The following TEAD1 variants were observed in gnomAD, a reference collection of about 807,000 sequenced individuals.
TEAD1 encodes the protein TEA domain transcription factor 1, also known as transcriptional enhancer factor TEF-1.
A neutral mutation model predicts 54.9 loss-of-function variants in TEAD1; 9 were observed. That is an observed-to-expected ratio of 0.16 (90% CI 0.10 to 0.29). The LOEUF (loss-of-function observed/expected upper bound fraction) is 0.29. Ranked by LOEUF, TEAD1 falls within the 10% of genes least tolerant of loss-of-function variation. The pLI, the probability that TEAD1 is intolerant of heterozygous loss-of-function variation, is 1.00. For synonymous variants in TEAD1, 200 were observed against 187.8 expected (o/e 1.07, Z -0.53); for missense variants, 387 against 535.9 (o/e 0.72, Z 2.74).
intron 3 of TEAD1, among the ~76,000 whole-genome samples, chr11:12,858,209 A>G (rs1417732096): frequency 6.6e-6 from 1 of 152,314 alleles, no homozygotes; most frequent in Admixed American, 6.5e-5. Context: ...TACAATCCCA[A>G]ACAGCCAAAA....
chr11:12,781,061 A>G (rs1300783228), intron 3 of TEAD1, among the ~76,000 whole-genome samples: 5 of 152,354 alleles, frequency 3.3e-5, no homozygotes, highest in South Asian at 2.1e-4. Flanking sequence ...TTTATTGTCA[A>G]TTGATTTTCA....
At chr11:12,741,130 A>T (rs1474630642) in intron 2 of TEAD1, among the ~76,000 whole-genome samples, 1 of 152,128 alleles carries the variant, frequency 6.6e-6, no homozygotes, top group Admixed American at 6.5e-5. Flanking sequence ...ATAATCATGT[A>T]ATTTTGCTTT....
At chr11:12,863,477 TAAGAA>T (rs768943437) in intron 4 of TEAD1, among the ~76,000 whole-genome samples, 1 of 151,876 alleles carries the variant, frequency 6.6e-6, no homozygotes, top group South Asian at 2.1e-4. Context: ...TCTCTGTACT[TAAGAA>T]AAGTACCAAA....
At chr11:12,777,738 A>C (rs1945460305) in intron 3 of TEAD1, among the ~76,000 whole-genome samples, 1 of 152,220 alleles carries the variant, frequency 6.6e-6, no homozygotes, top group Admixed American at 6.5e-5. Context: ...CACAAAATGC[A>C]ATGGTGATAT....
At chr11:12,917,612 C>T (rs1438346624) in intron 10 of TEAD1, among the ~76,000 whole-genome samples, 2 of 152,094 alleles carry the variant, frequency 1.3e-5, no homozygotes, top group Non-Finnish European at 2.9e-5. Flanking sequence ...CGTGCCTGGC[C>T]CAGCAGCATT....
chr11:12,827,714 C>G (rs537656291), intron 3 of TEAD1, among the ~76,000 whole-genome samples: 1 of 152,296 alleles, frequency 6.6e-6, no homozygotes, highest in African/African-American at 2.4e-5. Flanking sequence ...ACATCCTGCT[C>G]TCCTATTATC....
chr11:12,742,729 T>G (rs1472496371), intron 2 of TEAD1, among the ~76,000 whole-genome samples: 1 of 152,106 alleles, frequency 6.6e-6, no homozygotes. Flanking sequence ...AAAATAAAAC[T>G]TTAAAAAAGG....
intron 3 of TEAD1, among the ~76,000 whole-genome samples, chr11:12,783,094 GGGTT>G (rs1945593285): frequency 7.2e-6 from 1 of 138,134 alleles, no homozygotes; most frequent in African/African-American, 2.9e-5. Context: ...AACCAGGTAA[GGGTT>G]TGTGTGTGTG....
chr11:12,895,501 A>G (rs1342918384), intron 9 of TEAD1, among the ~76,000 whole-genome samples: 1 of 152,170 alleles, frequency 6.6e-6, no homozygotes, highest in Non-Finnish European at 1.5e-5. Flanking sequence ...GAGCTGTAGG[A>G]AAGCTTTGCA....
At position 12,816,611 on chromosome 11, in the gene TEAD1, T is replaced by C. The variant is rs542473415; in HGVS notation, c.203-45639T>C. On this transcript the variant is annotated intron_variant, in intron 3 of 12. Coordinates refer to ENST00000527636, the MANE Select transcript of TEAD1 (RefSeq NM_021961.6). ...TCTTTGGGTGACTTTTTTCTCCTGG[T>C]GATGCAGTGGGCCAGTGCAAGGAGG... Among the ~76,000 whole-genome samples, 299 of 152,280 alleles carry C rather than the reference T, an allele frequency of 2.0e-3. 10 individuals carry two copies. In the South Asian group the frequency reaches 0.059, roughly 30 times the overall value.
At chr11:12,929,497 T>C (rs1368905257) in intron 11 of TEAD1, among the ~76,000 whole-genome samples, 4 of 152,008 alleles carry the variant, frequency 2.6e-5, no homozygotes, top group East Asian at 1.9e-4. Context: ...TGAAGACATA[T>C]GAGGCTACTT....
At position 12,860,752 on chromosome 11, in the gene TEAD1, AAC is replaced by A. The variant is rs141740638; in HGVS notation, c.203-1494_203-1493del. Reference sequence around the variant, plus strand: ...ATATCTGGGAGGAAGTAAGACAACAAACACAAATTTTACAACTAACTATAAAG... The same window carrying A: ...ATATCTGGGAGGAAGTAAGACAACAAACAAATTTTACAACTAACTATAAAG... On this transcript the variant is annotated intron_variant, in intron 3 of 12. Coordinates refer to ENST00000527636, the MANE Select transcript of TEAD1 (RefSeq NM_021961.6). Among the ~76,000 whole-genome samples the A allele has an allele frequency of 9.7e-3, 1,478 of 152,334 alleles. 20 individuals are homozygous for A. Among genetic ancestry groups the A allele is most frequent in the African/African-American group, 0.034 (1,398 of 41,566 alleles).
chr11:12,801,440 A>G (rs775196344), intron 3 of TEAD1, among the ~76,000 whole-genome samples: 1 of 152,174 alleles, frequency 6.6e-6, no homozygotes, highest in Non-Finnish European at 1.5e-5. Context: ...AAATTAATGG[A>G]GGCTTTAATT....
intron 3 of TEAD1, among the ~76,000 whole-genome samples, chr11:12,772,624 T>A (rs1316213707): frequency 1.3e-5 from 2 of 152,170 alleles, no homozygotes; most frequent in Admixed American, 1.3e-4. Flanking sequence ...TTATTTGAAA[T>A]TTTTGTTGAG....
chr11:12,829,758 A>G (rs1336585225), intron 3 of TEAD1, among the ~76,000 whole-genome samples: 2 of 152,218 alleles, frequency 1.3e-5, no homozygotes, highest in East Asian at 1.9e-4. Context: ...AGATTGAGCA[A>G]TTGAGCAGTT....
At chr11:12,882,186 C>T (rs1413306638) in intron 8 of TEAD1, among the ~76,000 whole-genome samples, 1 of 152,172 alleles carries the variant, frequency 6.6e-6, no homozygotes, top group Non-Finnish European at 1.5e-5. Context: ...AAACAGGAAG[C>T]CTCCTCACTT....
intron 3 of TEAD1, among the ~76,000 whole-genome samples, chr11:12,861,528 A>C (rs1947503784): frequency 6.6e-6 from 1 of 152,204 alleles, no homozygotes; most frequent in Admixed American, 6.5e-5. Context: ...TATGAGTAGA[A>C]ACTTGAATAA....
intron 3 of TEAD1, among the ~76,000 whole-genome samples, chr11:12,806,637 GCATGACTAACTTC>G (rs1946178636): frequency 6.6e-6 from 1 of 152,210 alleles, no homozygotes; most frequent in Admixed American, 6.5e-5. Context: ...ATGGATAAAA[GCATGACTAACTTC>G]CAACTGCCTT....
At chr11:12,793,800 G>A (rs1171547425) in intron 3 of TEAD1, among the ~76,000 whole-genome samples, 1 of 152,202 alleles carries the variant, frequency 6.6e-6, no homozygotes, top group Non-Finnish European at 1.5e-5. Context: ...GAGTGGGATT[G>A]GTGGGGATCT....
Sources: gnomAD v4.1 joint callset for allele counts (sites outside exome capture counted in the v4.1 genomes callset) on GRCh38, gnomAD v4.1.1 for gene constraint, MANE v1.5 for transcripts, NCBI Gene and HGNC (gene_info 2026-07-23, HGNC 2026-07-21) for gene names.